The following FBXO16 variants were observed in gnomAD, a reference collection of about 807,000 sequenced individuals.
FBXO16 encodes the protein F-box protein 16.
Under a neutral mutation model 41.0 loss-of-function variants are expected in FBXO16, and 31 were observed. That is an observed-to-expected ratio of 0.76 (90% CI 0.57 to 1.02). FBXO16 has a LOEUF of 1.02. Among genes scored for constraint, FBXO16 ranks in the 50% least tolerant of loss-of-function variants. FBXO16 has a pLI of 0.00. For missense variants in FBXO16, 361 were observed against 346.2 expected, an observed-to-expected ratio of 1.04 and a Z score of -0.34; for synonymous variants, 133 against 117.8, an observed-to-expected ratio of 1.13 and a Z score of -0.84.
chr8:28,476,993 A>G lies in FBXO16; in HGVS notation c.100-3186T>C, dbSNP rs1803433254. On this transcript the variant is annotated intron_variant, in intron 2 of 8. Coordinates refer to ENST00000380254, the MANE Select transcript of FBXO16 (RefSeq NM_172366.4). ...GTATGTGTGATAAAGATCACTTTCAATTAAAACACTAGTTGGCAAAGAAAT... is the reference window on the plus strand; with the variant it reads ...GTATGTGTGATAAAGATCACTTTCAGTTAAAACACTAGTTGGCAAAGAAAT... Among the ~76,000 whole-genome samples the G allele has an allele frequency of 2.6e-5, 4 of 152,322 alleles. No individual in the cohort carries two copies. The South Asian group carries it at 8.3e-4, about 32-fold the overall frequency.
chr8:28,453,422 A>C (rs1563362623), intron 5 of FBXO16, among the ~76,000 whole-genome samples: 1 of 151,924 alleles, frequency 6.6e-6, no homozygotes, highest in African/African-American at 2.4e-5. Flanking sequence ...GGTAGACTAG[A>C]AATTTTATCA....
intron 4 of FBXO16, among the ~76,000 whole-genome samples, chr8:28,463,317 T>C (rs1170516020): frequency 2.0e-5 from 3 of 151,828 alleles, no homozygotes; most frequent in African/African-American, 4.8e-5. Context: ...TGTGTGTGTG[T>C]ATATGTGTAT....
chr8:28,484,622 C>T (rs1490028671), intron 1 of FBXO16, among the ~76,000 whole-genome samples: 6 of 152,160 alleles, frequency 3.9e-5, no homozygotes, highest in African/African-American at 1.4e-4. Flanking sequence ...GACAGAGTCT[C>T]GCTCTGTCGC....
At chr8:28,489,286 G>A (rs1349378167) in intron 1 of FBXO16, among the ~76,000 whole-genome samples, 1 of 152,032 alleles carries the variant, frequency 6.6e-6, no homozygotes, top group East Asian at 1.9e-4. Flanking sequence ...AGGTTGCAGT[G>A]AGCCAAGATC....
intron 3 of FBXO16, among the ~76,000 whole-genome samples, chr8:28,470,478 G>A (rs1198305155): frequency 1.3e-5 from 2 of 152,168 alleles, no homozygotes; most frequent in Non-Finnish European, 2.9e-5. Flanking sequence ...ATAAATAGAG[G>A]TTCAAAGCGT....
chr8:28,455,392 G>A (rs979503533), intron 5 of FBXO16, among the ~76,000 whole-genome samples: 1 of 152,016 alleles, frequency 6.6e-6, no homozygotes, highest in African/African-American at 2.4e-5. Context: ...GTGTGCTACT[G>A]CACCCAGCTA....
At chr8:28,473,178 C>A (rs1803364771) in intron 3 of FBXO16, among the ~76,000 whole-genome samples, 1 of 152,188 alleles carries the variant, frequency 6.6e-6, no homozygotes, top group Non-Finnish European at 1.5e-5. Context: ...CTTAACCAAT[C>A]CTTTTCATTG....
chr8:28,463,978 C>G (rs1322250106), intron 3 of FBXO16, among the ~76,000 whole-genome samples, 160 bp from the exon 4 acceptor site: 1 of 152,222 alleles, frequency 6.6e-6, no homozygotes, highest in African/African-American at 2.4e-5. Flanking sequence ...TGCCACCTAT[C>G]TTCTCTCACA....
intron 7 of FBXO16, 50 bp downstream of exon 7, chr8:28,447,121 G>A (rs1263985115): frequency 6.7e-7 from 1 of 1,496,780 alleles, no homozygotes; most frequent in African/African-American, 1.4e-5. Flanking sequence ...TAGAGATCTG[G>A]AGATTTTCAT....
At chr8:28,488,196 G>C (rs1441531859) in intron 1 of FBXO16, among the ~76,000 whole-genome samples, 1 of 151,732 alleles carries the variant, frequency 6.6e-6, no homozygotes, top group African/African-American at 2.4e-5. Context: ...ACAGAAAGAG[G>C]GCCTACGACC....
At chr8:28,443,023 C>A (rs1034775157) in intron 7 of FBXO16, among the ~76,000 whole-genome samples, 11 of 143,072 alleles carry the variant, frequency 7.7e-5, no homozygotes, top group Non-Finnish European at 9.2e-5. Flanking sequence ...ATTACTTGTA[C>A]TTTTTTTTTT....
intron 3 of FBXO16, among the ~76,000 whole-genome samples, chr8:28,467,693 A>C (rs994317145): frequency 2.6e-5 from 4 of 152,244 alleles, no homozygotes; most frequent in Non-Finnish European, 5.9e-5. Flanking sequence ...TCCCCAAAAG[A>C]GAATGGACTC....
intron 7 of FBXO16, among the ~76,000 whole-genome samples, chr8:28,442,069 A>G (rs1196289932): frequency 1.3e-5 from 2 of 149,318 alleles, no homozygotes; most frequent in Non-Finnish European, 3.0e-5. Context: ...TCAGCCTCCC[A>G]AGTAGCTGGG....
intron 3 of FBXO16, 87 bp from the exon 4 acceptor site, chr8:28,463,905 T>C (rs1803189403): frequency 3.3e-6 from 4 of 1,229,590 alleles, no homozygotes; most frequent in Admixed American, 4.5e-5. Flanking sequence ...GACAATGGCA[T>C]AGAAAGGGAG....
rs78909583 is a variant in FBXO16 at position 28,459,176 on chromosome 8, C to T, written c.343-2246G>A. On this transcript the variant is annotated intron_variant, in intron 4 of 8. Transcript: ENST00000380254. ...AATCAGAGATGACCATTATTGACAA[C>T]CTGGTAGAGTTCTTTTCCTTTCAGT... is the stretch of plus-strand genomic sequence containing the variant. Among the ~76,000 whole-genome samples, 824 of 152,192 alleles carry T rather than the reference C, an allele frequency of 5.4e-3. 8 individuals carry two copies. Among genetic ancestry groups the T allele is most frequent in the African/African-American group, 0.018 (757 of 41,524 alleles).
intron 2 of FBXO16, among the ~76,000 whole-genome samples, chr8:28,476,820 A>G (rs559567595): frequency 6.6e-6 from 1 of 152,312 alleles, no homozygotes; most frequent in East Asian, 1.9e-4. Flanking sequence ...TGTGTGAACC[A>G]TACCGTAAAA....
intron 2 of FBXO16, among the ~76,000 whole-genome samples, chr8:28,474,709 T>C (rs1451654281): frequency 2.0e-5 from 3 of 152,216 alleles, no homozygotes; most frequent in African/African-American, 7.2e-5. Flanking sequence ...TACTTGTTGG[T>C]ATAGGTTTAT....
At chr8:28,489,950 T>C (rs1162292726) in intron 1 of FBXO16, among the ~76,000 whole-genome samples, 1 of 152,214 alleles carries the variant, frequency 6.6e-6, no homozygotes, top group Non-Finnish European at 1.5e-5. Context: ...ATCTTCCGCT[T>C]AACTAGTTTT....
intron 5 of FBXO16, among the ~76,000 whole-genome samples, chr8:28,453,584 AT>A (rs1178909952): frequency 6.6e-6 from 1 of 151,908 alleles, no homozygotes; most frequent in Non-Finnish European, 1.5e-5. Flanking sequence ...TAAGGGCTTA[AT>A]TTTTGTTAAT....
Sources: allele counts gnomAD v4.1 joint callset (sites outside exome capture counted in the v4.1 genomes callset), GRCh38; gene constraint gnomAD v4.1.1; transcripts MANE v1.5; gene names NCBI Gene and HGNC (gene_info 2026-07-23, HGNC 2026-07-21).